The following CRIM1 variants were observed in gnomAD, a reference collection of about 807,000 sequenced individuals.
CRIM1 encodes cysteine-rich motor neuron 1 protein.
In CRIM1, 32 loss-of-function variants were observed where a neutral mutation model predicts 116.4. That is an observed-to-expected ratio of 0.27 (90% CI 0.21 to 0.37). The LOEUF is 0.37. Ranked by LOEUF, CRIM1 falls within the 10% of genes least tolerant of loss-of-function variation. CRIM1 has a pLI of 1.00. For missense variants in CRIM1, 1,331 were observed against 1,354.8 expected, an observed-to-expected ratio of 0.98 and a Z score of 0.28; for synonymous variants, 590 against 509.2, an observed-to-expected ratio of 1.16 and a Z score of -2.13.
At chr2:36,513,433 C>G in intron 10 of CRIM1, 123 bp from the exon 11 acceptor site, 1 of 722,554 alleles carries the variant, frequency 1.4e-6, no homozygotes, top group South Asian at 1.7e-5. Context: ...TGTCCCATGT[C>G]ACAAACTGTC....
intron 2 of CRIM1, among the ~76,000 whole-genome samples, chr2:36,437,060 A>G (rs1675367365): frequency 6.6e-6 from 1 of 152,236 alleles, no homozygotes; most frequent in Admixed American, 6.5e-5. Flanking sequence ...CCAAATAGAA[A>G]TGAACCAAGC....
intron 13 of CRIM1, among the ~76,000 whole-genome samples, chr2:36,533,735 C>G (rs563694032): frequency 6.6e-6 from 1 of 152,304 alleles, no homozygotes; most frequent in Non-Finnish European, 1.5e-5. Context: ...TACATAAACC[C>G]TGTATGCTGT....
intron 11 of CRIM1, among the ~76,000 whole-genome samples, chr2:36,516,583 CATG>C (rs992101753): frequency 6.6e-6 from 1 of 152,168 alleles, no homozygotes; most frequent in Admixed American, 6.5e-5. Flanking sequence ...TACCTCTCTT[CATG>C]ATGATATTGC....
chr2:36,392,201 G>A lies in CRIM1; in HGVS notation c.332-4413G>A, dbSNP rs923673747. On this transcript the variant is annotated intron_variant, in intron 1 of 16. Transcript: ENST00000280527. ...CACTTCACTGTAGTACTCAATATTG[G>A]ACATATTTGAACATATATGAATTTG... is the stretch of plus-strand genomic sequence containing the variant. Among the ~76,000 whole-genome samples the A allele has an allele frequency of 2.0e-5, 3 of 152,084 alleles. No individual in the cohort carries two copies. In the East Asian group the frequency reaches 5.8e-4, roughly 29 times the overall value.
chr2:36,533,101 T>C (rs988098080), intron 13 of CRIM1, among the ~76,000 whole-genome samples: 60 of 152,212 alleles, frequency 3.9e-4, no homozygotes, highest in African/African-American at 1.4e-3. Context: ...CATTTATATG[T>C]AGTCTCAATT....
intron 1 of CRIM1, among the ~76,000 whole-genome samples, chr2:36,388,151 A>T (rs1671311804): frequency 1.3e-5 from 2 of 152,100 alleles, no homozygotes; most frequent in African/African-American, 4.8e-5. Context: ...AGAAGTAGAG[A>T]CAGTTGTGTA....
intron 4 of CRIM1, among the ~76,000 whole-genome samples, chr2:36,462,128 T>C (rs1291706339): frequency 1.3e-5 from 2 of 152,180 alleles, no homozygotes; most frequent in African/African-American, 4.8e-5. Context: ...AACATTTTCC[T>C]TTCCTAGGTG....
rs140478268 is a variant in CRIM1 at position 36,481,039 on chromosome 2, G to A, written c.1372+1345G>A. Among the ~76,000 whole-genome samples the A allele has an allele frequency of 1.6e-3, 237 of 152,242 alleles. 1 individual carries two copies. The highest frequency in any genetic ancestry group is 8.7e-4 in the Non-Finnish European group (59 of 68,026). ...TTGCCAACTTGAAATATTTAATTACGAATATTTGGGACACACGGTAAGGAA... is the reference window on the plus strand; with the variant it reads ...TTGCCAACTTGAAATATTTAATTACAAATATTTGGGACACACGGTAAGGAA... On this transcript the variant is annotated intron_variant, in intron 7 of 16. Coordinates refer to ENST00000280527, the MANE Select transcript of CRIM1 (RefSeq NM_016441.3).
At chr2:36,534,726 G>A (rs943949455) in intron 13 of CRIM1, among the ~76,000 whole-genome samples, 2 of 150,850 alleles carry the variant, frequency 1.3e-5, no homozygotes, top group Non-Finnish European at 1.5e-5. Flanking sequence ...GAAGGAAAAG[G>A]AAGATGGAAG....
intron 2 of CRIM1, among the ~76,000 whole-genome samples, chr2:36,406,920 T>C (rs1484880402): frequency 6.6e-6 from 1 of 152,278 alleles, no homozygotes. Context: ...ACACTGCTTA[T>C]CAAGTTTAGA....
intron 8 of CRIM1, among the ~76,000 whole-genome samples, chr2:36,502,907 A>T (rs1681100990): frequency 1.3e-5 from 2 of 152,210 alleles, no homozygotes; most frequent in Admixed American, 1.3e-4. Context: ...TTGCTATTCT[A>T]ATAATATATC....
chr2:36,451,753 C>G (rs1040622900), intron 4 of CRIM1, among the ~76,000 whole-genome samples: 49 of 152,190 alleles, frequency 3.2e-4, no homozygotes, highest in African/African-American at 1.2e-3. Context: ...GAGTCAGAGG[C>G]TGTCAACACA....
intron 2 of CRIM1, among the ~76,000 whole-genome samples, chr2:36,419,917 G>T (rs764215011): frequency 1.3e-5 from 2 of 152,204 alleles, no homozygotes; most frequent in African/African-American, 2.4e-5. Flanking sequence ...TAGCAAATAT[G>T]TGGCTTTAAG....
intron 1 of CRIM1, among the ~76,000 whole-genome samples, chr2:36,367,272 A>G (rs181843038): frequency 1.3e-5 from 2 of 152,284 alleles, no homozygotes; most frequent in East Asian, 1.9e-4. Flanking sequence ...GACCAAATAA[A>G]TTTCTGTGTT....
chr2:36,415,562 T>A (rs1168797135), intron 2 of CRIM1, among the ~76,000 whole-genome samples: 1 of 152,182 alleles, frequency 6.6e-6, no homozygotes, highest in East Asian at 1.9e-4. Flanking sequence ...TTTAAAATTG[T>A]TCATAGATTC....
At chr2:36,508,358 G>A (rs1289260801) in intron 8 of CRIM1, among the ~76,000 whole-genome samples, 1 of 152,182 alleles carries the variant, frequency 6.6e-6, no homozygotes, top group African/African-American at 2.4e-5. Flanking sequence ...AAATATTTAT[G>A]TAAAACACGG....
chr2:36,458,276 G>A (rs1354003018), intron 4 of CRIM1, among the ~76,000 whole-genome samples: 1 of 152,178 alleles, frequency 6.6e-6, no homozygotes, highest in East Asian at 1.9e-4. Flanking sequence ...CCCACACCAG[G>A]AGGATACCTC....
intron 1 of CRIM1, among the ~76,000 whole-genome samples, chr2:36,369,974 G>A (rs12615281): frequency 0.25 from 38,553 of 152,084 alleles, 5,088 homozygotes; most frequent in African/African-American, 0.32. Context: ...TGGAAACAAC[G>A]CCCCAGCTTG....
intron 1 of CRIM1, among the ~76,000 whole-genome samples, chr2:36,385,096 A>C (rs1671079462): frequency 6.6e-6 from 1 of 152,096 alleles, no homozygotes; most frequent in African/African-American, 2.4e-5. Flanking sequence ...AAAAAAAAAA[A>C]AAATCAAAGG....
Sources: allele counts gnomAD v4.1 joint callset (sites outside exome capture counted in the v4.1 genomes callset), GRCh38; gene constraint gnomAD v4.1.1; transcripts MANE v1.5; gene names NCBI Gene and HGNC (gene_info 2026-07-23, HGNC 2026-07-21).